BTBD8: variants seen among roughly 807,000 people sequenced by gnomAD.
The protein encoded by BTBD8 is BTB/POZ domain-containing protein 8.
In BTBD8, 110 loss-of-function variants were observed where a neutral mutation model predicts 162.9. That is an observed-to-expected ratio of 0.68 (90% confidence interval 0.58 to 0.79). BTBD8 has a LOEUF of 0.79. Among genes scored for constraint, BTBD8 ranks in the 30% least tolerant of loss-of-function variants. The pLI, the probability that BTBD8 is intolerant of heterozygous loss-of-function variation, is 0.00. For missense variants in BTBD8, 1,905 were observed against 2,085.4 expected (o/e 0.91, Z 1.68); for synonymous variants, 667 against 716.1 (o/e 0.93, Z 1.10).
intron 5 of BTBD8, among the ~76,000 whole-genome samples, chr1:92,131,723 CA>C (rs1377974623): frequency 2.0e-3 from 157 of 80,048 alleles, no homozygotes; most frequent in South Asian, 3.8e-3. Context: ...GACTCTGTCT[CA>C]AAAAAAAAAA....
intron 9 of BTBD8, among the ~76,000 whole-genome samples, chr1:92,153,052 G>T (rs1203551445): frequency 6.6e-6 from 1 of 152,112 alleles, no homozygotes; most frequent in East Asian, 1.9e-4. Flanking sequence ...GAAAGAGCAA[G>T]CAGTCTTTTT....
At chr1:92,128,570 G>A (rs1226381640) in intron 4 of BTBD8, among the ~76,000 whole-genome samples, 1 of 151,598 alleles carries the variant, frequency 6.6e-6, no homozygotes, top group African/African-American at 2.4e-5. Context: ...GAGCCACCGC[G>A]CCCGGCCATT....
At chr1:92,110,959 A>T (rs549706153) in intron 4 of BTBD8, among the ~76,000 whole-genome samples, 1 of 149,910 alleles carries the variant, frequency 6.7e-6, no homozygotes, top group African/African-American at 2.4e-5. Flanking sequence ...AAATTCTCTT[A>T]TGCTGCCTCG....
chr1:92,106,488 G>A (rs1013200866), intron 3 of BTBD8, among the ~76,000 whole-genome samples: 13 of 151,086 alleles, frequency 8.6e-5, no homozygotes, highest in African/African-American at 2.7e-4. Flanking sequence ...GTGAAACCCC[G>A]TCTCTACTAA....
intron 12 of BTBD8, 147 bp from the exon 13 acceptor site, chr1:92,171,252 G>A (rs1205080245): frequency 2.1e-6 from 1 of 480,800 alleles, no homozygotes; most frequent in South Asian, 4.5e-5. Flanking sequence ...ATAATAGGGA[G>A]TTGTTTTGTA....
At chr1:92,144,875 A>T (rs747135128) in intron 7 of BTBD8, among the ~76,000 whole-genome samples, 15 of 151,910 alleles carry the variant, frequency 9.9e-5, no homozygotes, top group Non-Finnish European at 1.9e-4. Context: ...TATATAACTT[A>T]AAGTATCTCC....
At position 92,107,884 on chromosome 1, in the gene BTBD8, A is replaced by T. The variant is rs763423870; in HGVS notation, c.545A>T (p.Asp182Val). ...TTAGTCTTGTTTTTCTTTTTTAAAG[A>T]TAATTATGACTTGGAGCCTGCATCT... ...SDRDDDFISN[D>V]NYDLEPASEL... The change falls in exon 4 of 18, where the codon GAT (aspartate) becomes GTT (valine). Residue 182 changes from aspartate (D) to valine (V), a missense_variant and splice_region_variant. Physicochemically the swap from Asp to Val is radical, Grantham distance 152. Coordinates refer to ENST00000636805, the MANE Select transcript of BTBD8 (RefSeq NM_001376131.1). 2.2e-5 allele frequency: 36 copies of T among 1,602,188 alleles called. No individual in the cohort carries two copies. Among genetic ancestry groups the T allele is most frequent in the East Asian group, 2.2e-4 (10 of 44,806 alleles).
At chr1:92,165,944 C>CT (rs1166835293) in intron 9 of BTBD8, among the ~76,000 whole-genome samples, 1 of 152,154 alleles carries the variant, frequency 6.6e-6, no homozygotes, top group Non-Finnish European at 1.5e-5. Flanking sequence ...ATTTACCAGT[C>CT]TATCAAGTAA....
chr1:92,141,258 A>C, intron 7 of BTBD8, 47 bp downstream of exon 7: 3 of 1,528,662 alleles, frequency 2.0e-6, no homozygotes, highest in Non-Finnish European at 1.8e-6. Context: ...ATTGTCACCC[A>C]TTATTACCTG....
chr1:92,085,729 AAATAAT>A (rs1570710958), intron 1 of BTBD8, among the ~76,000 whole-genome samples: 1 of 151,874 alleles, frequency 6.6e-6, no homozygotes, highest in Non-Finnish European at 1.5e-5. Context: ...GACTCCGTCT[AAATAAT>A]AATAATTTAC....
At chr1:92,118,682 T>C (rs1408881113) in intron 4 of BTBD8, among the ~76,000 whole-genome samples, 1 of 151,942 alleles carries the variant, frequency 6.6e-6, no homozygotes, top group African/African-American at 2.4e-5. Context: ...GGAATTCTTC[T>C]GCACAAAAAA....
chr1:92,105,033 C>T (rs554096639), intron 3 of BTBD8, among the ~76,000 whole-genome samples: 81 of 151,784 alleles, frequency 5.3e-4, no homozygotes, highest in Admixed American at 1.4e-3. Flanking sequence ...CCCGGGTTCA[C>T]GCCATTCTCC....
chr1:92,146,569 G>A (rs1649927167), intron 7 of BTBD8, among the ~76,000 whole-genome samples: 1 of 152,078 alleles, frequency 6.6e-6, no homozygotes, highest in Non-Finnish European at 1.5e-5. Context: ...ATCATACGGA[G>A]TGTTTTCAGT....
intron 2 of BTBD8, among the ~76,000 whole-genome samples, chr1:92,098,769 T>C (rs1245789835): frequency 6.6e-6 from 1 of 152,188 alleles, no homozygotes; most frequent in African/African-American, 2.4e-5. Context: ...ATTTTAAAAT[T>C]GGGTTCTCTT....
At chr1:92,132,324 T>C (rs1265033715) in intron 5 of BTBD8, among the ~76,000 whole-genome samples, 4 of 151,968 alleles carry the variant, frequency 2.6e-5, no homozygotes, top group Non-Finnish European at 1.5e-5. Context: ...CCTTTTTTTT[T>C]TTTCAGTCTT....
At chr1:92,088,923 C>CTAA in intron 2 of BTBD8, 28 bp downstream of exon 2, 1 of 1,524,814 alleles carries the variant, frequency 6.6e-7, no homozygotes, top group Non-Finnish European at 8.9e-7. Flanking sequence ...CCATGTAAGT[C>CTAA]TAATATGTAA....
intron 2 of BTBD8, among the ~76,000 whole-genome samples, chr1:92,093,798 G>A (rs1422195045): frequency 1.3e-5 from 2 of 152,156 alleles, no homozygotes; most frequent in Non-Finnish European, 2.9e-5. Context: ...GGAAAGTTGA[G>A]CTTGCTTTAT....
rs1225233544 is a variant in BTBD8, at chr1:92,181,957, G to A, written c.4274G>A (p.Cys1425Tyr). 6.4e-7 allele frequency: 1 copy of A among 1,551,496 alleles called. No homozygotes were observed. Among genetic ancestry groups the A allele is most frequent in the Non-Finnish European group, 8.7e-7 (1 of 1,146,932 alleles). The change falls in exon 17 of 18, where the codon TGT (cysteine) becomes TAT (tyrosine). Residue 1425 changes from cysteine (C) to tyrosine (Y), a missense_variant. Physicochemically the swap from Cys to Tyr is radical, Grantham distance 194. This residue lies in a region of BTBD8 where 517 missense variants were observed against 606.6 expected (regional missense o/e 0.85). Coordinates refer to ENST00000636805, the MANE Select transcript of BTBD8 (RefSeq NM_001376131.1). The stretch of plus-strand genomic sequence containing the variant: ...TTTGAAGATGCAACTGAAAATGAAT[G>A]TCGTGAATTTTCTGCAACTAAAAAG... ...LAFEDATENE[C>Y]REFSATKKFK...
chr1:92,169,048 A>G (rs1320886218), intron 12 of BTBD8, 53 bp downstream of exon 12: 2 of 1,433,062 alleles, frequency 1.4e-6, no homozygotes, highest in African/African-American at 2.8e-5. Flanking sequence ...TTGTGACAGC[A>G]GATATTTTGA....
Sources: gnomAD v4.1 joint callset for allele counts (sites outside exome capture counted in the v4.1 genomes callset) on GRCh38, gnomAD v4.1.1 for gene constraint, gnomAD v4.1.1 regional missense constraint, MANE v1.5 for transcripts, NCBI Gene and HGNC (gene_info 2026-07-23, HGNC 2026-07-21) for gene names.